PYY: variants seen among roughly 807,000 people sequenced by gnomAD.
PYY encodes the protein peptide tyrosine tyrosine.
In PYY, 12 loss-of-function variants were observed where a neutral mutation model predicts 10.3. That is an observed-to-expected ratio of 1.17 (90% CI 0.75 to 1.89). The LOEUF (loss-of-function observed/expected upper bound fraction) is 1.89. PYY is among the 40% of genes most tolerant of loss of function. The pLI is 0.00. For missense variants in PYY, 141 were observed against 134.0 expected (o/e 1.05, Z -0.26); for synonymous variants, 66 against 62.0 (o/e 1.06, Z -0.30).
chr17:43,985,992 C>T (rs2048913506), intron 1 of PYY, among the ~76,000 whole-genome samples: 1 of 152,138 alleles, frequency 6.6e-6, no homozygotes, highest in Admixed American at 6.5e-5. Context: ...CGCGGTGGCT[C>T]ACGCCTGTAA....
chr17:43,997,934 T>C (rs563628426), intron 1 of PYY, among the ~76,000 whole-genome samples: 2 of 151,854 alleles, frequency 1.3e-5, no homozygotes, highest in Admixed American at 1.3e-4. Flanking sequence ...GACCATAGAT[T>C]GGTTTTTTTG....
At chr17:43,968,225 G>T (rs923260981) in intron 1 of PYY, among the ~76,000 whole-genome samples, 2 of 152,072 alleles carry the variant, frequency 1.3e-5, no homozygotes, top group Admixed American at 6.6e-5. Flanking sequence ...TTTAAAAACA[G>T]TTGTAGTCCC....
chr17:43,983,246 AAACAAC>A (rs529327957), intron 1 of PYY, among the ~76,000 whole-genome samples: 10 of 152,054 alleles, frequency 6.6e-5, no homozygotes, highest in South Asian at 2.1e-4. Flanking sequence ...AACAAACAAA[AAACAAC>A]AACAACAACA....
At chr17:43,996,424 C>T (rs926789423) in intron 1 of PYY, among the ~76,000 whole-genome samples, 2 of 152,128 alleles carry the variant, frequency 1.3e-5, no homozygotes, top group African/African-American at 2.4e-5. Context: ...GGAGAGCATC[C>T]ATGAGCAAAT....
At chr17:43,953,011 TG>T (rs1567924389) in intron 3 of PYY, 31 bp from the exon 4 acceptor site, 1 of 1,583,168 alleles carries the variant, frequency 6.3e-7, no homozygotes, top group Non-Finnish European at 8.6e-7. Flanking sequence ...GAATTGGATC[TG>T]GGGAGGCGAG....
At chr17:44,002,995 T>C (rs2049039922) in intron 1 of PYY, among the ~76,000 whole-genome samples, 2 of 152,200 alleles carry the variant, frequency 1.3e-5, no homozygotes, top group African/African-American at 4.8e-5. Flanking sequence ...TGTAATAACA[T>C]TGTTTTCCTC....
chr17:43,993,338 A>C (rs1227187264), intron 1 of PYY, among the ~76,000 whole-genome samples: 1 of 152,104 alleles, frequency 6.6e-6, no homozygotes, highest in African/African-American at 2.4e-5. Context: ...TGGTGTCTGT[A>C]GTCCCAGGTA....
At chr17:43,964,526 G>A (rs931817011) in intron 2 of PYY, among the ~76,000 whole-genome samples, 5 of 152,208 alleles carry the variant, frequency 3.3e-5, no homozygotes, top group East Asian at 1.9e-4. Context: ...CAAGGCAGGC[G>A]GATCACCTGA....
At chr17:43,979,928 A>AAGTGCT (rs1243757820) in intron 1 of PYY, among the ~76,000 whole-genome samples, 1 of 152,114 alleles carries the variant, frequency 6.6e-6, no homozygotes, top group Non-Finnish European at 1.5e-5. Flanking sequence ...AGCACACCTA[A>AAGTGCT]AGTGCACAGA....
intron 1 of PYY, among the ~76,000 whole-genome samples, chr17:43,981,898 T>A (rs1444683441): frequency 6.6e-6 from 1 of 152,194 alleles, no homozygotes; most frequent in Admixed American, 6.5e-5. Flanking sequence ...TTTGTAAACA[T>A]TCTATTTATT....
chr17:43,989,997 T>C (rs16940439), intron 1 of PYY, among the ~76,000 whole-genome samples: 53,942 of 148,804 alleles, frequency 0.36, 10,386 homozygotes, highest in East Asian at 0.75. Flanking sequence ...CATTGGCAAC[T>C]AAAAAAGGCA....
intron 1 of PYY, among the ~76,000 whole-genome samples, chr17:43,983,697 C>A (rs923388605): frequency 6.6e-6 from 1 of 152,228 alleles, no homozygotes; most frequent in African/African-American, 2.4e-5. Flanking sequence ...GGGGCCGGGT[C>A]TTAGGCGCAC....
In PYY at chr17:43,953,344, C is replaced by A. The variant is rs765291961; in HGVS notation, c.140G>T (p.Arg47Leu). The A allele has an allele frequency of 6.2e-7, 1 of 1,612,614 alleles. No individual in the cohort carries two copies. The highest frequency in any genetic ancestry group is 1.1e-5 in the South Asian group (1 of 90,976). The part of the protein sequence containing the change: ...REDASPEELN[R>L]YYASLRHYLN... ...GTAGTGGCGCAGGGAGGCGTAGTAGCGGTTCAGCTCCTCCGGCGAGGCGTC... is the reference window on the plus strand; with the variant it reads ...GTAGTGGCGCAGGGAGGCGTAGTAGAGGTTCAGCTCCTCCGGCGAGGCGTC... Residue 47 changes from arginine (R) to leucine (L), a missense_variant, in exon 2 of 4, where the codon CGC becomes CTC. Transcript: ENST00000692052.
At chr17:43,988,697 AT>A in intron 1 of PYY, among the ~76,000 whole-genome samples, 1 of 151,288 alleles carries the variant, frequency 6.6e-6, no homozygotes, top group South Asian at 2.1e-4. Context: ...ACTCAATAAC[AT>A]CTTTTTTTCT....
intron 2 of PYY, among the ~76,000 whole-genome samples, chr17:43,963,367 G>T (rs956144752): frequency 2.6e-5 from 4 of 151,640 alleles, no homozygotes; most frequent in African/African-American, 9.7e-5. Context: ...AATTATCCAG[G>T]CGTGGTAGCA....
chr17:43,964,593 A>G (rs2048741549), intron 2 of PYY, among the ~76,000 whole-genome samples: 1 of 152,218 alleles, frequency 6.6e-6, no homozygotes, highest in Non-Finnish European at 1.5e-5. Flanking sequence ...TCTACTAAAA[A>G]TACAAAATTA....
At chr17:43,986,195 G>A (rs1387585895) in intron 1 of PYY, among the ~76,000 whole-genome samples, 2 of 152,178 alleles carry the variant, frequency 1.3e-5, no homozygotes, top group Non-Finnish European at 2.9e-5. Context: ...GGAGGCGGGG[G>A]TTGCAGTGAG....
At chr17:43,956,272 A>G (rs2048671210), upstream of PYY, among the ~76,000 whole-genome samples, 2 of 151,974 alleles carry the variant, frequency 1.3e-5, no homozygotes, top group Non-Finnish European at 2.9e-5. Flanking sequence ...AACCCTCTCT[A>G]TCCCTCATAC....
chr17:43,967,808 G>T (rs575603025), intron 1 of PYY, among the ~76,000 whole-genome samples: 3 of 152,222 alleles, frequency 2.0e-5, no homozygotes, highest in East Asian at 3.9e-4. Context: ...GAGCTGAAAT[G>T]AGTTTCTCAT....
Sources: gnomAD v4.1 joint callset for allele counts (sites outside exome capture counted in the v4.1 genomes callset) on GRCh38, gnomAD v4.1.1 for gene constraint, MANE v1.5 for transcripts, NCBI Gene and HGNC (gene_info 2026-07-23, HGNC 2026-07-21) for gene names.